Variants in DLG2 observed in about 807,000 individuals in gnomAD.
DLG2 encodes disks large homolog 2.
DLG2 carries 45 observed loss-of-function variants against 132.5 expected under a neutral mutation model. The ratio of observed to expected loss-of-function variants is 0.34; its 90% confidence interval spans 0.27 to 0.44. The LOEUF (loss-of-function observed/expected upper bound fraction) is 0.44, where lower values mean the gene tolerates loss of function less well. Among genes scored for constraint, DLG2 ranks in the 20% least tolerant of loss-of-function variants. The pLI is 1.00. For missense variants in DLG2, 1,045 were observed against 1,196.9 expected (o/e 0.87, Z 1.87); for synonymous variants, 424 against 419.6 (o/e 1.01, Z -0.13).
intron 21 of DLG2, among the ~76,000 whole-genome samples, chr11:83,518,923 C>A (rs544083588): frequency 6.6e-6 from 1 of 152,266 alleles, no homozygotes; most frequent in Admixed American, 6.5e-5. Context: ...GGGGGCTGGA[C>A]TGAGGGGCTG....
chr11:83,557,889 T>C (rs1244314042), intron 19 of DLG2, among the ~76,000 whole-genome samples: 6 of 152,124 alleles, frequency 3.9e-5, no homozygotes, highest in African/African-American at 1.4e-4. Flanking sequence ...AAGAGGCTCA[T>C]TGCCTAGGAC....
intron 19 of DLG2, among the ~76,000 whole-genome samples, chr11:83,597,797 A>G (rs532553059): frequency 7.1e-6 from 1 of 141,048 alleles, no homozygotes; most frequent in African/African-American, 3.2e-5. Context: ...AAACAAACAA[A>G]CAAACAAACA....
chr11:85,062,987 G>A (rs980062512), intron 6 of DLG2, among the ~76,000 whole-genome samples: 1 of 151,786 alleles, frequency 6.6e-6, no homozygotes, highest in Non-Finnish European at 1.5e-5. Flanking sequence ...CATATAGTAT[G>A]TGCATATTGT....
chr11:84,209,552 C>T (rs544026140), intron 8 of DLG2, among the ~76,000 whole-genome samples: 3 of 151,908 alleles, frequency 2.0e-5, no homozygotes, highest in East Asian at 1.9e-4. Context: ...AACTGGTTCA[C>T]GGGCATAAAG....
At chr11:84,942,542 C>T (rs552981715) in intron 6 of DLG2, among the ~76,000 whole-genome samples, 1 of 152,200 alleles carries the variant, frequency 6.6e-6, no homozygotes, top group African/African-American at 2.4e-5. Flanking sequence ...CAAAGTTCCT[C>T]TTATTATTGA....
intron 10 of DLG2, among the ~76,000 whole-genome samples, chr11:84,071,752 T>A (rs1314008319): frequency 6.6e-6 from 1 of 152,204 alleles, no homozygotes; most frequent in Non-Finnish European, 1.5e-5. Flanking sequence ...ATTGTCTACA[T>A]TTAAAAAATC....
intron 6 of DLG2, among the ~76,000 whole-genome samples, chr11:84,884,814 A>G (rs10466728): frequency 0.07 from 10,694 of 152,190 alleles, 380 homozygotes; most frequent in Admixed American, 0.094. Context: ...TATTAAATGA[A>G]AAATTACAAC....
chr11:85,429,817 A>G (rs2091040830), intron 3 of DLG2, among the ~76,000 whole-genome samples: 2 of 152,212 alleles, frequency 1.3e-5, no homozygotes, highest in South Asian at 2.1e-4. Context: ...TCAGGGATCT[A>G]GAACTAGAAA....
At chr11:84,964,982 G>A (rs2053124834) in intron 6 of DLG2, among the ~76,000 whole-genome samples, 1 of 151,992 alleles carries the variant, frequency 6.6e-6, no homozygotes, top group African/African-American at 2.4e-5. Flanking sequence ...TCCTCAGCTG[G>A]CCAAAATAAT....
intron 3 of DLG2, among the ~76,000 whole-genome samples, chr11:85,435,447 A>G (rs926908228): frequency 2.2e-4 from 34 of 152,314 alleles, no homozygotes; most frequent in Non-Finnish European, 4.3e-4. Context: ...TTAAGCTGAT[A>G]AGCAACTTCA....
At chr11:85,232,269 T>C (rs986135505) in intron 4 of DLG2, among the ~76,000 whole-genome samples, 2 of 151,990 alleles carry the variant, frequency 1.3e-5, no homozygotes, top group African/African-American at 4.8e-5. Flanking sequence ...AAAGTAGGTC[T>C]GATATACATT....
intron 6 of DLG2, among the ~76,000 whole-genome samples, chr11:84,698,746 T>C (rs1228672593): frequency 2.0e-5 from 3 of 151,586 alleles, no homozygotes. Context: ...GCTTTAAAGA[T>C]GAAGACACAG....
At chr11:84,591,319 T>G (rs561234829) in intron 6 of DLG2, among the ~76,000 whole-genome samples, 11 of 151,470 alleles carry the variant, frequency 7.3e-5, no homozygotes, top group African/African-American at 2.7e-4. Context: ...GCCTTGTTTT[T>G]TTTTTTTTGT....
chr11:85,606,163 T>C (rs2080521351), intron 2 of DLG2, among the ~76,000 whole-genome samples: 1 of 152,206 alleles, frequency 6.6e-6, no homozygotes, highest in South Asian at 2.1e-4. Context: ...TTAACTATAG[T>C]ATGATATGTA....
intron 11 of DLG2, among the ~76,000 whole-genome samples, chr11:84,041,654 T>G (rs1160817): frequency 0.017 from 2,551 of 152,178 alleles, 27 homozygotes; most frequent in Non-Finnish European, 0.025. Context: ...TAGAATTTCC[T>G]AATTTTAATA....
intron 7 of DLG2, among the ~76,000 whole-genome samples, chr11:84,495,699 G>T (rs1603235434): frequency 1.3e-5 from 2 of 152,074 alleles, no homozygotes; most frequent in Middle Eastern, 3.2e-3. Flanking sequence ...GCTTATCCCT[G>T]CATTAACACT....
chr11:83,997,249 T>C (rs2094091248), intron 11 of DLG2, among the ~76,000 whole-genome samples: 1 of 152,182 alleles, frequency 6.6e-6, no homozygotes, highest in Admixed American at 6.5e-5. Flanking sequence ...TTACTACACA[T>C]TTCAAGTGAC....
intron 11 of DLG2, among the ~76,000 whole-genome samples, chr11:84,026,675 T>C (rs946666277): frequency 9.9e-5 from 15 of 152,100 alleles, no homozygotes; most frequent in Non-Finnish European, 1.9e-4. Context: ...AATGAATAAA[T>C]GAACACACTT....
intron 14 of DLG2, among the ~76,000 whole-genome samples, chr11:83,950,115 T>C (rs1369473772): frequency 4.6e-5 from 7 of 152,190 alleles, no homozygotes; most frequent in Non-Finnish European, 1.0e-4. Flanking sequence ...AAGGGGGTAA[T>C]TATAGCTGCC....
Sources: allele counts gnomAD v4.1 joint callset (sites outside exome capture counted in the v4.1 genomes callset), GRCh38; gene constraint gnomAD v4.1.1; transcripts MANE v1.5; gene names NCBI Gene and HGNC (gene_info 2026-07-23, HGNC 2026-07-21).